PIM3: variants seen among roughly 807,000 people sequenced by gnomAD.
PIM3 encodes serine/threonine-protein kinase pim-3.
In PIM3, 13 loss-of-function variants were observed where a neutral mutation model predicts 27.5. The ratio of observed to expected loss-of-function variants is 0.47; its 90% CI spans 0.31 to 0.75. PIM3 has a LOEUF of 0.75. Among genes scored for constraint, PIM3 ranks in the 30% least tolerant of loss-of-function variants. The pLI is 0.05. For synonymous variants in PIM3, 341 were observed against 221.1 expected, an observed-to-expected ratio of 1.54 and a Z score of -4.81; for missense variants, 482 against 476.9, an observed-to-expected ratio of 1.01 and a Z score of -0.10.
rs1474983011 is a variant in PIM3 at position 49,961,743 on chromosome 22, G to A, written c.548G>A (p.Gly183Glu). 7 of 1,611,754 alleles carry A rather than the reference G, an allele frequency of 4.3e-6. No homozygotes were observed. The East Asian group carries it at 6.7e-5, about 15-fold the overall frequency. ...DENLLVDLRS[G>E]ELKLIDFGSG... ...AATCTGCTTGTGGACCTGCGCTCCG[G>A]AGAGCTCAAGCTCATCGACTTCGGT... The change falls in exon 4 of 6, where the codon GGA becomes GAA. Residue 183 changes from glycine to glutamate, a missense_variant. Gly to Glu is a moderately conservative substitution (Grantham distance 98). Transcript: ENST00000360612.
chr22:49,963,202 C>G lies in PIM3; in HGVS notation c.*75C>G, dbSNP rs1801645. Reference sequence around the variant, plus strand: ...TGGGACGCCCCCAGACCCTGACTTTCTCCTGCGTGGGCCGTCTCCTCCTGC... The same window carrying G: ...TGGGACGCCCCCAGACCCTGACTTTGTCCTGCGTGGGCCGTCTCCTCCTGC... On this transcript the variant is annotated 3_prime_UTR_variant, in exon 6 of 6. Coordinates refer to ENST00000360612, the MANE Select transcript of PIM3 (RefSeq NM_001001852.4). 8 of 1,420,772 alleles carry G rather than the reference C, an allele frequency of 5.6e-6. No individual in the cohort carries two copies. The highest frequency in any genetic ancestry group is 2.6e-5 in the East Asian group (1 of 38,246). The allele number at this position is 1,420,772 out of a possible 1,614,324, so 88.0% of individuals were successfully genotyped here.
In PIM3 at chr22:49,963,052, G is replaced by C. The variant is rs958192462; in HGVS notation, c.906G>C (p.Glu302Asp). ...TGGGGGCTGACGGGGGCGTCCCGGA[G>C]AGCTGTGACCTGCGGCTGTGCACCC... ...WMLGADGGVP[E>D]SCDLRLCTLD... The change falls in exon 6 of 6, where the codon GAG (glutamate) becomes GAC (aspartate). Residue 302 changes from glutamate to aspartate, a missense_variant. Physicochemically the swap from Glu to Asp is conservative, Grantham distance 45. Coordinates refer to ENST00000360612, the MANE Select transcript of PIM3 (RefSeq NM_001001852.4). 5.0e-6 allele frequency: 8 copies of C among 1,611,948 alleles called. No individual in the cohort carries two copies. Among genetic ancestry groups the C allele is most frequent in the Admixed American group, 1.7e-5 (1 of 59,934 alleles).
Position 49,963,032 on chromosome 22 carries a change from G to A in PIM3, c.886G>A (p.Ala296Thr), listed in dbSNP as rs1454882875. 6.2e-7 allele frequency: 1 copy of A among 1,612,140 alleles called. No individual in the cohort carries two copies. Among genetic ancestry groups the A allele is most frequent in the East Asian group, 2.2e-5 (1 of 44,860 alleles). The part of the protein sequence containing the change: ...QIAAHPWMLG[A>T]DGGVPESCDL... ...TGCGGCCCATCCCTGGATGCTGGGGGCTGACGGGGGCGTCCCGGAGAGCTG... is the reference window on the plus strand; with the variant it reads ...TGCGGCCCATCCCTGGATGCTGGGGACTGACGGGGGCGTCCCGGAGAGCTG... The change falls in exon 6 of 6, where the codon GCT becomes ACT. Residue 296 changes from alanine to threonine, a missense_variant. Coordinates refer to ENST00000360612, the MANE Select transcript of PIM3 (RefSeq NM_001001852.4).
In PIM3 at chr22:49,962,845, TC is replaced by T; in HGVS notation, c.775del (p.Arg259GlyfsTer11). On this transcript the variant is annotated frameshift_variant, in exon 5 of 6. Coordinates refer to ENST00000360612, the MANE Select transcript of PIM3 (RefSeq NM_001001852.4). LOFTEE classifies it low-confidence loss of function (END_TRUNC). ...DEEILRGRLL[F>X]RRRVSPECQQ... ...GAGATCCTCCGAGGCCGCCTGCTCT[TC>T]CGGAGGAGGGTCTCTCCAGGTGCGT... The T allele has an allele frequency of 6.2e-7, 1 of 1,610,376 alleles. No homozygotes were observed. Among genetic ancestry groups the T allele is most frequent in the Non-Finnish European group, 8.5e-7 (1 of 1,179,644 alleles).
In PIM3 at chr22:49,963,384, C is replaced by T. The variant is rs1423416965; in HGVS notation, c.*257C>T. On this transcript the variant is annotated 3_prime_UTR_variant, in exon 6 of 6. Transcript: ENST00000360612. The stretch of plus-strand genomic sequence containing the variant: ...GGATACTTGAACCCCAGACGCCCCT[C>T]TGTGCTGCTGTGTCCGGAGGCGGCC... The T allele has an allele frequency of 2.3e-6, 1 of 444,254 alleles. No homozygotes were observed. The highest frequency in any genetic ancestry group is 4.0e-6 in the Non-Finnish European group (1 of 247,072). The allele number at this position is 444,254 out of a possible 1,614,324, so 27.5% of individuals were successfully genotyped here.
At position 49,963,957 on chromosome 22, in the gene PIM3, G is replaced by C. The variant is rs1343315435; in HGVS notation, c.*830G>C. The C allele has an allele frequency of 5.9e-5, 9 of 152,412 alleles. No individual in the cohort carries two copies. The highest frequency in any genetic ancestry group is 5.2e-4 in the Admixed American group (8 of 15,286). 9.4% of individuals were successfully genotyped at this position (152,412 alleles called of 1,614,324 possible). ...TTTAATTTATTCAGTACCTGTGTTT[G>C]TGTGAATGCGGTGTGTGCAGGCATC... On this transcript the variant is annotated 3_prime_UTR_variant, in exon 6 of 6. Coordinates refer to ENST00000360612, the MANE Select transcript of PIM3 (RefSeq NM_001001852.4).
chr22:49,962,006 G>A (rs1027403036), intron 4 of PIM3, among the ~76,000 whole-genome samples, 195 bp downstream of exon 4: 12 of 152,128 alleles, frequency 7.9e-5, no homozygotes, highest in East Asian at 1.9e-4. Context: ...GTGCTGGGTG[G>A]GGGCTAGGGG....
Position 49,964,054 on chromosome 22 carries a change from T to G in PIM3, c.*927T>G, listed in dbSNP as rs903858338. On this transcript the variant is annotated 3_prime_UTR_variant, in exon 6 of 6. Coordinates refer to ENST00000360612, the MANE Select transcript of PIM3 (RefSeq NM_001001852.4). ...TATTTTTTTATACAGGTATTTCAAT[T>G]AAAATGTTTTTGTACATAGTGGATA... 9 of 152,350 alleles carry G rather than the reference T, an allele frequency of 5.9e-5. No homozygotes were observed. The highest frequency in any genetic ancestry group is 2.2e-4 in the African/African-American group (9 of 41,448). 9.4% of individuals were successfully genotyped at this position (152,350 alleles called of 1,614,324 possible).
rs1601872048 is a variant in PIM3 at position 49,963,338 on chromosome 22, G to C, written c.*211G>C. 1.2e-5 allele frequency: 7 copies of C among 568,222 alleles called. No individual in the cohort carries two copies. The highest frequency in any genetic ancestry group is 1.9e-5 in the African/African-American group (1 of 51,998). The allele number at this position is 568,222 out of a possible 1,614,324, so 35.2% of individuals were successfully genotyped here. ...CTGTCTGTCCAAAGACGCTCCGGTC[G>C]AGGTCCCGCCTGCCCTGGGTGGATA... On this transcript the variant is annotated 3_prime_UTR_variant, in exon 6 of 6. Coordinates refer to ENST00000360612, the MANE Select transcript of PIM3 (RefSeq NM_001001852.4).
rs1157162458 is a variant in PIM3 at position 49,963,206 on chromosome 22, T to G, written c.*79T>G. 1 of 1,403,706 alleles carries G rather than the reference T, an allele frequency of 7.1e-7. No individual in the cohort carries two copies. The highest frequency in any genetic ancestry group is 2.6e-5 in the East Asian group (1 of 38,702). The allele number at this position is 1,403,706 out of a possible 1,614,324, so 87.0% of individuals were successfully genotyped here. A position where few individuals can be genotyped will look rare whatever the true frequency, so the allele number is the denominator to read the frequency against. On this transcript the variant is annotated 3_prime_UTR_variant, in exon 6 of 6. Transcript: ENST00000360612. ...ACGCCCCCAGACCCTGACTTTCTCC[T>G]GCGTGGGCCGTCTCCTCCTGCGGAA...
At position 49,960,826 on chromosome 22, in the gene PIM3, C is replaced by A; in HGVS notation, c.-122C>A. On this transcript the variant is annotated 5_prime_UTR_variant, in exon 1 of 6. Coordinates refer to ENST00000360612, the MANE Select transcript of PIM3 (RefSeq NM_001001852.4). Reference sequence around the variant, plus strand: ...ACGCGGTCCCCGCGGGCCTTCCGGGCCCACTGCGCCGCGCGGACCGCCTCG... The same window carrying A: ...ACGCGGTCCCCGCGGGCCTTCCGGGACCACTGCGCCGCGCGGACCGCCTCG... The A allele has an allele frequency of 1.7e-6, 1 of 579,322 alleles. No individual in the cohort carries two copies. Among genetic ancestry groups the A allele is most frequent in the Non-Finnish European group, 2.3e-6 (1 of 443,824 alleles). 35.9% of individuals were successfully genotyped at this position (579,322 alleles called of 1,614,324 possible). A position where few individuals can be genotyped will look rare whatever the true frequency, so the allele number is the denominator to read the frequency against.
At chr22:49,961,937 G>GCCTCTGCTCCCCACGA in intron 4 of PIM3, 126 bp downstream of exon 4, 1 of 1,370,000 alleles carries the variant, frequency 7.3e-7, no homozygotes, top group Non-Finnish European at 9.9e-7. Context: ...GCTCTCGTGG[G>GCCTCTGCTCCCCACGA]GAGCAGAGGC....
chr22:49,962,294 G>A (rs2060911607), intron 4 of PIM3, among the ~76,000 whole-genome samples: 1 of 151,686 alleles, frequency 6.6e-6, no homozygotes, highest in African/African-American at 2.4e-5. Flanking sequence ...CCCGCATTGC[G>A]GAGCTTGGGG....
intron 4 of PIM3, among the ~76,000 whole-genome samples, chr22:49,962,066 G>A (rs1262267267): frequency 6.6e-6 from 1 of 152,094 alleles, no homozygotes; most frequent in Non-Finnish European, 1.5e-5. Flanking sequence ...GGGGCCTCTT[G>A]CCCCGGTGTG....
rs2060920142 is a variant in PIM3 at position 49,963,436 on chromosome 22, T to G, written c.*309T>G. ...TCCCATCTGCCTGCCCACCCGGAGC[T>G]CTTTCCGCCGGCGCAGGGTCCCAAG... is the stretch of plus-strand genomic sequence containing the variant. On this transcript the variant is annotated 3_prime_UTR_variant, in exon 6 of 6. Transcript: ENST00000360612. The G allele has an allele frequency of 3.4e-6, 1 of 296,430 alleles. No homozygotes were observed. The highest frequency in any genetic ancestry group is 5.0e-5 in the Admixed American group (1 of 19,982). The allele number at this position is 296,430 out of a possible 1,614,324, so 18.4% of individuals were successfully genotyped here. A position where few individuals can be genotyped will look rare whatever the true frequency, so the allele number is the denominator to read the frequency against.
chr22:49,962,851 G>A lies in PIM3; in HGVS notation c.779G>A (p.Arg260Lys). The change falls in exon 5 of 6, where the codon AGG (arginine) becomes AAG (lysine). Residue 260 changes from arginine (R) to lysine (K), a missense_variant. Coordinates refer to ENST00000360612, the MANE Select transcript of PIM3 (RefSeq NM_001001852.4). ...CTCCGAGGCCGCCTGCTCTTCCGGAGGAGGGTCTCTCCAGGTGCGTGGTGG... is the reference window on the plus strand; with the variant it reads ...CTCCGAGGCCGCCTGCTCTTCCGGAAGAGGGTCTCTCCAGGTGCGTGGTGG... ...EILRGRLLFR[R>K]RVSPECQQLI... 6.2e-7 allele frequency: 1 copy of A among 1,610,016 alleles called. No individual in the cohort carries two copies. The highest frequency in any genetic ancestry group is 1.3e-5 in the African/African-American group (1 of 75,046).
Position 49,963,160 on chromosome 22 carries a change from CCTGCCTTG to C in PIM3, c.*34_*41del. 6.6e-7 allele frequency: 1 copy of C among 1,524,392 alleles called. No individual in the cohort carries two copies. The allele number at this position is 1,524,392 out of a possible 1,614,324, so 94.4% of individuals were successfully genotyped here. A position where few individuals can be genotyped will look rare whatever the true frequency, so the allele number is the denominator to read the frequency against. On this transcript the variant is annotated 3_prime_UTR_variant, in exon 6 of 6. Coordinates refer to ENST00000360612, the MANE Select transcript of PIM3 (RefSeq NM_001001852.4). ...CACCTGACTGGGAGCTAGGGGACCACCTGCCTTGGCCAGACCTGGGACGCCCCCAGACC... is the reference window on the plus strand; with the variant it reads ...CACCTGACTGGGAGCTAGGGGACCACGCCAGACCTGGGACGCCCCCAGACC...
chr22:49,961,843 G>A (rs772691072), intron 4 of PIM3, 32 bp downstream of exon 4: 8 of 1,606,672 alleles, frequency 5.0e-6, no homozygotes, highest in African/African-American at 4.0e-5. Context: ...GGAACGTTCC[G>A]GGGGCCTTGC....
In PIM3 at chr22:49,962,974, G is replaced by C; in HGVS notation, c.828G>C (p.Leu276=). Residue 276 remains leucine, a synonymous_variant, in exon 6 of 6, where the codon CTG becomes CTC. Coordinates refer to ENST00000360612, the MANE Select transcript of PIM3 (RefSeq NM_001001852.4). The stretch of plus-strand genomic sequence containing the variant: ...AGCTGATCCGGTGGTGCCTGTCCCT[G>C]CGGCCCTCAGAGCGGCCGTCGCTGG... ...CQQLIRWCLS[L]RPSERPSLDQ... is the part of the protein sequence containing the mutation. 6.2e-7 allele frequency: 1 copy of C among 1,609,458 alleles called. No individual in the cohort carries two copies. The highest frequency in any genetic ancestry group is 2.2e-5 in the East Asian group (1 of 44,878).
Sources: gnomAD v4.1 joint callset for allele counts (sites outside exome capture counted in the v4.1 genomes callset) on GRCh38, gnomAD v4.1.1 for gene constraint, MANE v1.5 for transcripts, NCBI Gene and HGNC (gene_info 2026-07-23, HGNC 2026-07-21) for gene names.